The following KLHL8 variants were observed in gnomAD, a reference collection of about 807,000 sequenced individuals.
The protein encoded by KLHL8 is kelch-like protein 8.
KLHL8 carries 38 observed loss-of-function variants against 63.5 expected under a neutral mutation model. The observed-to-expected ratio is 0.60, with a 90% CI of 0.46 to 0.78. The LOEUF (loss-of-function observed/expected upper bound fraction) is 0.78. Among genes scored for constraint, KLHL8 ranks in the 30% least tolerant of loss-of-function variants. The pLI is 0.00. For missense variants in KLHL8, 566 were observed against 752.4 expected (o/e 0.75, Z 2.90); for synonymous variants, 224 against 254.3 (o/e 0.88, Z 1.13).
At chr4:87,183,940 C>T (rs968528017) in intron 3 of KLHL8, among the ~76,000 whole-genome samples, 1 of 152,170 alleles carries the variant, frequency 6.6e-6, no homozygotes, top group Non-Finnish European at 1.5e-5. Flanking sequence ...CCTCTTTCAA[C>T]AGAGGCATTC....
At chr4:87,210,412 C>A (rs1732357426) in intron 1 of KLHL8, among the ~76,000 whole-genome samples, 1 of 152,058 alleles carries the variant, frequency 6.6e-6, no homozygotes, top group African/African-American at 2.4e-5. Flanking sequence ...ACCTGGCAGG[C>A]AGAGCTTGCA....
intron 1 of KLHL8, among the ~76,000 whole-genome samples, chr4:87,238,176 C>T (rs1733267506): frequency 6.6e-6 from 1 of 152,134 alleles, no homozygotes; most frequent in African/African-American, 2.4e-5. Flanking sequence ...TCTCATGATC[C>T]ACCCACCTCG....
intron 1 of KLHL8, among the ~76,000 whole-genome samples, chr4:87,238,452 A>G (rs1278197641): frequency 6.6e-6 from 1 of 152,192 alleles, no homozygotes; most frequent in Non-Finnish European, 1.5e-5. Context: ...GCACTTTGGT[A>G]GATCCAAGTT....
intron 2 of KLHL8, among the ~76,000 whole-genome samples, chr4:87,189,143 C>A (rs577005377): frequency 6.6e-6 from 1 of 152,126 alleles, no homozygotes; most frequent in East Asian, 1.9e-4. Context: ...CAGAAACAGA[C>A]GGGTCAGTTA....
In KLHL8 at chr4:87,185,560, C is replaced by A. The variant is rs1385854079; in HGVS notation, c.456G>T (p.Val152=). The A allele has an allele frequency of 6.2e-7, 1 of 1,614,192 alleles. No individual in the cohort carries two copies. The highest frequency in any genetic ancestry group is 8.5e-7 in the Non-Finnish European group (1 of 1,180,026). The change falls in exon 3 of 10, where the codon GTG becomes GTT. Residue 152 remains valine, a synonymous_variant. Coordinates refer to ENST00000273963, the MANE Select transcript of KLHL8 (RefSeq NM_020803.5). ...TCATGTATTCACAACAAGCTCTAGC[C>A]ACCAGTTCAACCTGCAGAATACAGG... The part of the protein sequence containing the change: ...YAACILQVEL[V]ARACCEYMKL...
chr4:87,200,138 CAAAAAAAAAAAA>C (rs61605160), intron 1 of KLHL8, among the ~76,000 whole-genome samples: 1 of 73,706 alleles, frequency 1.4e-5, no homozygotes. Flanking sequence ...GAGACTGCCT[CAAAAAAAAAAAA>C]AAAAAAAAAA....
chr4:87,168,771 T>TGTGTATATATATACGTATATATAC lies in KLHL8; in HGVS notation c.1537+1284_1537+1307dup, dbSNP rs1730515134. On this transcript the variant is annotated intron_variant, in intron 8 of 9. Coordinates refer to ENST00000273963, the MANE Select transcript of KLHL8 (RefSeq NM_020803.5). ...GTGTATATATGTGTGTGTATATATA[T>TGTGTATATATATACGTATATATAC]GTGTATATATATACGTATATATACA... Among the ~76,000 whole-genome samples the TGTGTATATATATACGTATATATAC allele has an allele frequency of 8.8e-5, 12 of 136,174 alleles. No individual in the cohort carries two copies. In the South Asian group the frequency reaches 2.9e-3, roughly 33 times the overall value. The allele number at this position is 136,174 out of a possible 152,430, so 89.3% of individuals were successfully genotyped here.
chr4:87,165,249 AT>A (rs1461113319), intron 8 of KLHL8, among the ~76,000 whole-genome samples: 2 of 151,992 alleles, frequency 1.3e-5, no homozygotes, highest in African/African-American at 4.8e-5. Flanking sequence ...AAATTCACCA[AT>A]TTTATCTGCA....
chr4:87,181,583 C>T (rs1392865303), intron 4 of KLHL8, among the ~76,000 whole-genome samples: 4 of 149,874 alleles, frequency 2.7e-5, no homozygotes, highest in Non-Finnish European at 5.9e-5. Context: ...ATAGGAACAT[C>T]GTATGGAAGG....
At chr4:87,227,806 C>A (rs1733061714) in intron 1 of KLHL8, among the ~76,000 whole-genome samples, 1 of 152,152 alleles carries the variant, frequency 6.6e-6, no homozygotes, top group Non-Finnish European at 1.5e-5. Context: ...TTGCTTAAGC[C>A]ACTGTGTCAG....
intron 5 of KLHL8, among the ~76,000 whole-genome samples, chr4:87,177,902 AAAAC>A (rs1245439741): frequency 2.6e-5 from 4 of 152,152 alleles, no homozygotes; most frequent in African/African-American, 9.7e-5. Context: ...TTTCCTCAAT[AAAAC>A]AAACAAAAAC....
intron 1 of KLHL8, among the ~76,000 whole-genome samples, chr4:87,236,656 ACT>A (rs1413907226): frequency 7.4e-6 from 1 of 135,528 alleles, no homozygotes; most frequent in Admixed American, 7.7e-5. Flanking sequence ...ATTTATCTGT[ACT>A]GTGTCTTTTT....
intron 1 of KLHL8, among the ~76,000 whole-genome samples, chr4:87,210,077 T>C (rs1461782960): frequency 6.6e-6 from 1 of 152,086 alleles, no homozygotes; most frequent in Admixed American, 6.6e-5. Context: ...AGGCTGGTGG[T>C]GAACTCGTGA....
intron 1 of KLHL8, among the ~76,000 whole-genome samples, chr4:87,197,197 GTGA>G (rs199838987): frequency 0.34 from 52,179 of 151,586 alleles, 9,810 homozygotes; most frequent in Middle Eastern, 0.56. Flanking sequence ...GGAAGAACCT[GTGA>G]CTTGCTTCTA....
intron 8 of KLHL8, chr4:87,166,965 C>T (rs974092940): frequency 4.0e-5 from 7 of 173,404 alleles, no homozygotes; most frequent in Non-Finnish European, 7.3e-5. Flanking sequence ...AAGAAGGCCC[C>T]GGCCAGATAA....
chr4:87,204,001 A>G (rs953757304), intron 1 of KLHL8, among the ~76,000 whole-genome samples: 11 of 152,208 alleles, frequency 7.2e-5, no homozygotes, highest in African/African-American at 2.4e-4. Flanking sequence ...ACCAGTGAAG[A>G]CACATGGATG....
At chr4:87,172,221 G>C (rs1730662025) in intron 6 of KLHL8, among the ~76,000 whole-genome samples, 1 of 152,190 alleles carries the variant, frequency 6.6e-6, no homozygotes, top group African/African-American at 2.4e-5. Context: ...GGAACATGTG[G>C]GAAGGATCTG....
intron 5 of KLHL8, among the ~76,000 whole-genome samples, chr4:87,177,491 C>G (rs773649990): frequency 3.3e-5 from 5 of 150,872 alleles, no homozygotes; most frequent in Non-Finnish European, 5.9e-5. Context: ...GCAACAAGAG[C>G]GAAACTTCAT....
At chr4:87,167,856 G>T in intron 8 of KLHL8, 1 of 171,550 alleles carries the variant, frequency 5.8e-6, no homozygotes, top group Non-Finnish European at 1.2e-5. Context: ...TCTGCATAAG[G>T]GGTAAAGCTT....
Sources: allele counts gnomAD v4.1 joint callset (sites outside exome capture counted in the v4.1 genomes callset), GRCh38; gene constraint gnomAD v4.1.1; transcripts MANE v1.5; gene names NCBI Gene and HGNC (gene_info 2026-07-23, HGNC 2026-07-21).